Variants in PPARA observed in about 807,000 individuals in gnomAD.
The protein encoded by PPARA is peroxisome proliferator activated receptor alpha.
In PPARA, 22 loss-of-function variants were observed where a neutral mutation model predicts 42.2. The observed-to-expected ratio is 0.52, with a 90% CI of 0.37 to 0.74. The LOEUF (loss-of-function observed/expected upper bound fraction) is 0.74. PPARA is among the 30% of genes least tolerant of loss of function. PPARA has a pLI of 0.00. For missense variants in PPARA, 465 were observed against 608.2 expected, an observed-to-expected ratio of 0.76 and a Z score of 2.48; for synonymous variants, 242 against 239.3, an observed-to-expected ratio of 1.01 and a Z score of -0.10.
rs1001474121 is a variant in PPARA at position 46,163,921 on chromosome 22, T to A, written c.-127+11951T>A. 4 of 152,294 alleles carry A rather than the reference T, an allele frequency of 2.6e-5. No homozygotes were observed. The highest frequency in any genetic ancestry group is 9.7e-5 in the African/African-American group (4 of 41,436). The allele number at this position is 152,294 out of a possible 1,614,324, so 9.4% of individuals were successfully genotyped here. On this transcript the variant is annotated intron_variant, in intron 2 of 8. Coordinates refer to ENST00000407236, the MANE Select transcript of PPARA (RefSeq NM_005036.6). This position sits in a 1 kb window ranked among gnomAD's most constrained non-coding sequence, Gnocchi z 4.9. The stretch of plus-strand genomic sequence containing the variant: ...GTTTGAGGGTTTGTATTGGTGTTTT[T>A]TAAAGTCAGGTTGACCGAGTGCGGT...
At chr22:46,209,975 G>T (rs528482736) in intron 4 of PPARA, among the ~76,000 whole-genome samples, 2 of 152,086 alleles carry the variant, frequency 1.3e-5, no homozygotes, top group African/African-American at 4.8e-5. Flanking sequence ...AAACTCCTGG[G>T]TTCAAACAAT....
At chr22:46,172,684 C>T (rs916621010) in intron 2 of PPARA, among the ~76,000 whole-genome samples, 3 of 152,186 alleles carry the variant, frequency 2.0e-5, no homozygotes, top group Non-Finnish European at 4.4e-5. Context: ...CAGCCATAAG[C>T]CGTAACTTTG....
intron 4 of PPARA, among the ~76,000 whole-genome samples, chr22:46,208,055 C>T (rs574173333): frequency 2.4e-4 from 37 of 152,112 alleles, no homozygotes; most frequent in African/African-American, 3.9e-4. Flanking sequence ...ATTTTTGTTT[C>T]TCTACATGTT....
In PPARA at chr22:46,156,897, C is replaced by T. The variant is rs1226117519; in HGVS notation, c.-127+4927C>T. On this transcript the variant is annotated intron_variant, in intron 2 of 8. Coordinates refer to ENST00000407236, the MANE Select transcript of PPARA (RefSeq NM_005036.6). This position sits in a 1 kb window ranked among gnomAD's most constrained non-coding sequence, Gnocchi z 5.2. ...GATTACAGGCGTGAGCCACCACACC[C>T]GGCCTCCTGTGTGTTTTGAAGGTGA... 6.6e-6 allele frequency among the ~76,000 whole-genome samples: 1 copy of T among 152,204 alleles called. No homozygotes were observed. Among genetic ancestry groups the T allele is most frequent in the Non-Finnish European group, 1.5e-5 (1 of 68,032 alleles).
At position 46,235,153 on chromosome 22, in the gene PPARA, G is replaced by A. The variant is rs1269516601; in HGVS notation, c.1180G>A (p.Val394Ile). Residue 394 changes from valine (V) to isoleucine (I), a missense_variant, in exon 9 of 9, where the codon GTA (valine) becomes ATA (isoleucine). Physicochemically the swap from Val to Ile is conservative, Grantham distance 29 (BLOSUM62 3). Transcript: ENST00000407236. The surrounding 1 kb of genome is among the most constrained non-coding windows in gnomAD (Gnocchi z 7.0). The stretch of plus-strand genomic sequence containing the variant: ...ACTAGATCGTCCTGGCCTTCTAAAC[G>A]TAGGACACATTGAAAAAATGCAGGA... The part of the protein sequence containing the change: ...CCGDRPGLLN[V>I]GHIEKMQEGI... 2 of 1,613,950 alleles carry A rather than the reference G, an allele frequency of 1.2e-6. No individual in the cohort carries two copies. Among genetic ancestry groups the A allele is most frequent in the East Asian group, 2.2e-5 (1 of 44,886 alleles).
At chr22:46,229,186 C>T (rs1935694704) in intron 7 of PPARA, among the ~76,000 whole-genome samples, 2 of 151,954 alleles carry the variant, frequency 1.3e-5, no homozygotes, top group African/African-American at 4.8e-5. Context: ...AATAAAGTGA[C>T]GGTGGCCTAA....
chr22:46,180,505 C>T lies in PPARA; in HGVS notation c.-43+3669C>T, dbSNP rs1929800147. On this transcript the variant is annotated intron_variant, in intron 3 of 8. Coordinates refer to ENST00000407236, the MANE Select transcript of PPARA (RefSeq NM_005036.6). The surrounding 1 kb of genome is among the most constrained non-coding windows in gnomAD (Gnocchi z 4.2). Reference sequence around the variant, plus strand: ...TAAGTTCTGTAAATTCCTGTTTTCCCTGCACAGCTGCAAGTTCACAAGGCA... The same window carrying T: ...TAAGTTCTGTAAATTCCTGTTTTCCTTGCACAGCTGCAAGTTCACAAGGCA... Among the ~76,000 whole-genome samples, 1 of 152,152 alleles carries T rather than the reference C, an allele frequency of 6.6e-6. No homozygotes were observed. The highest frequency in any genetic ancestry group is 2.1e-4 in the South Asian group (1 of 4,830).
Position 46,187,702 on chromosome 22 carries a change from C to T in PPARA, c.-42-10640C>T, listed in dbSNP as rs1345521433. ...CCAAACTCCTAAACATGGGGATTAACAATGTGCCATGATTGGCACTGCTGG... is the reference window on the plus strand; with the variant it reads ...CCAAACTCCTAAACATGGGGATTAATAATGTGCCATGATTGGCACTGCTGG... On this transcript the variant is annotated intron_variant, in intron 3 of 8. Coordinates refer to ENST00000407236, the MANE Select transcript of PPARA (RefSeq NM_005036.6). The surrounding 1 kb of genome is among the most constrained non-coding windows in gnomAD (Gnocchi z 4.9). Among the ~76,000 whole-genome samples the T allele has an allele frequency of 6.6e-6, 1 of 152,226 alleles. No individual in the cohort carries two copies. Among genetic ancestry groups the T allele is most frequent in the African/African-American group, 2.4e-5 (1 of 41,458 alleles).
In PPARA at chr22:46,184,581, G is replaced by A. The variant is rs888580823; in HGVS notation, c.-43+7745G>A. Among the ~76,000 whole-genome samples the A allele has an allele frequency of 2.0e-5, 3 of 152,136 alleles. No individual in the cohort carries two copies. Among genetic ancestry groups the A allele is most frequent in the African/African-American group, 7.2e-5 (3 of 41,414 alleles). On this transcript the variant is annotated intron_variant, in intron 3 of 8. Transcript: ENST00000407236. The surrounding 1 kb of genome is among the most constrained non-coding windows in gnomAD (Gnocchi z 4.4). ...TGGAAAATCCAAAAGTATTCTATTT[G>A]GCCAGGCACAGTGGCTCACACCTGT...
chr22:46,174,215 AG>A (rs1928590732), intron 2 of PPARA, among the ~76,000 whole-genome samples: 1 of 147,446 alleles, frequency 6.8e-6, no homozygotes, highest in African/African-American at 2.5e-5. Context: ...AGAGAGAGAG[AG>A]AGGGAGAAAG....
chr22:46,218,551 C>T (rs1934704874), intron 6 of PPARA, 150 bp downstream of exon 6: 7 of 1,350,348 alleles, frequency 5.2e-6, no homozygotes, highest in African/African-American at 4.3e-5. Context: ...AAATAAAAGT[C>T]GCCCAGGCGC....
At position 46,243,511 on chromosome 22, in the gene PPARA, T is replaced by A. The variant is rs1175838066; in HGVS notation, c.*8131T>A. On this transcript the variant is annotated 3_prime_UTR_variant, in exon 9 of 9. Transcript: ENST00000407236. The surrounding 1 kb of genome is among the most constrained non-coding windows in gnomAD (Gnocchi z 5.0). ...AGCGAAAGTAATTTTTCTAGTCACA[T>A]GAACTGATTGGTTCCAGGCAATTAG... 1 of 152,170 alleles carries A rather than the reference T, an allele frequency of 6.6e-6. No homozygotes were observed. Among genetic ancestry groups the A allele is most frequent in the Non-Finnish European group, 1.5e-5 (1 of 68,018 alleles). 9.4% of individuals were successfully genotyped at this position (152,170 alleles called of 1,614,324 possible). A position where few individuals can be genotyped will look rare whatever the true frequency, so the allele number is the denominator to read the frequency against.
chr22:46,217,303 G>GA (rs1934580265), intron 5 of PPARA, among the ~76,000 whole-genome samples: 1 of 152,106 alleles, frequency 6.6e-6, no homozygotes. Context: ...AAAGCAAAGA[G>GA]AAAAAAGAAC....
Position 46,184,966 on chromosome 22 carries a change from G to A in PPARA, c.-43+8130G>A, listed in dbSNP as rs976456986. On this transcript the variant is annotated intron_variant, in intron 3 of 8. Transcript: ENST00000407236. This position sits in a 1 kb window ranked among gnomAD's most constrained non-coding sequence, Gnocchi z 4.4. ...CCAGCATGGTCTGGAATTTCCCAGT[G>A]AGTGACCATCTGTGTGTGTGTATTC... Among the ~76,000 whole-genome samples the A allele has an allele frequency of 6.6e-6, 1 of 152,232 alleles. No individual in the cohort carries two copies. The highest frequency in any genetic ancestry group is 1.5e-5 in the Non-Finnish European group (1 of 68,042).
At chr22:46,186,493 C>T (rs1435594746) in intron 3 of PPARA, among the ~76,000 whole-genome samples, 1 of 152,110 alleles carries the variant, frequency 6.6e-6, no homozygotes, top group Non-Finnish European at 1.5e-5. Context: ...CAAGGATTCC[C>T]AGTAACGAGG....
chr22:46,201,847 T>A (rs1932854171), intron 4 of PPARA, among the ~76,000 whole-genome samples: 1 of 152,172 alleles, frequency 6.6e-6, no homozygotes, highest in South Asian at 2.1e-4. Flanking sequence ...CTATAATGAC[T>A]ATTTGTGCTA....
In PPARA at chr22:46,191,737, G is replaced by A. The variant is rs1389210806; in HGVS notation, c.-42-6605G>A. 6.6e-6 allele frequency among the ~76,000 whole-genome samples: 1 copy of A among 152,202 alleles called. No individual in the cohort carries two copies. Among genetic ancestry groups the A allele is most frequent in the East Asian group, 1.9e-4 (1 of 5,200 alleles). The stretch of plus-strand genomic sequence containing the variant: ...CATCACTGGGTTACTCCTGGAGTAA[G>A]TAATTCCCAAGAGCTCCTTCTGTGC... On this transcript the variant is annotated intron_variant, in intron 3 of 8. Coordinates refer to ENST00000407236, the MANE Select transcript of PPARA (RefSeq NM_005036.6). This position sits in a 1 kb window ranked among gnomAD's most constrained non-coding sequence, Gnocchi z 4.6.
chr22:46,209,675 A>G (rs575270672), intron 4 of PPARA, among the ~76,000 whole-genome samples: 2 of 152,156 alleles, frequency 1.3e-5, no homozygotes, highest in South Asian at 2.1e-4. Flanking sequence ...GTTTTCACCC[A>G]TGTATCTATA....
Position 46,203,076 on chromosome 22 carries a change from C to A in PPARA, c.208+4485C>A, listed in dbSNP as rs1932926669. 6.6e-6 allele frequency among the ~76,000 whole-genome samples: 1 copy of A among 152,102 alleles called. No individual in the cohort carries two copies. The highest frequency in any genetic ancestry group is 2.4e-5 in the African/African-American group (1 of 41,430). On this transcript the variant is annotated intron_variant, in intron 4 of 8. Transcript: ENST00000407236. This position sits in a 1 kb window ranked among gnomAD's most constrained non-coding sequence, Gnocchi z 5.8. ...GGGTGATAACCCATTTCTTATTTCC[C>A]CCTCAGCATTTCCTCACTGTTATTC...
Sources: allele counts gnomAD v4.1 joint callset (sites outside exome capture counted in the v4.1 genomes callset), GRCh38; gene constraint gnomAD v4.1.1; non-coding constraint Gnocchi (gnomAD v3.1); transcripts MANE v1.5; gene names NCBI Gene and HGNC (gene_info 2026-07-23, HGNC 2026-07-21).